The following HSD17B14 variants were observed in gnomAD, a reference collection of about 807,000 sequenced individuals.
HSD17B14 encodes L-fucose dehydrogenase.
In HSD17B14, 32 loss-of-function variants were observed where a neutral mutation model predicts 32.2. The observed-to-expected ratio is 0.99, with a 90% CI of 0.75 to 1.33. HSD17B14 has a LOEUF of 1.33. Among genes scored for constraint, HSD17B14 ranks in the 40% most tolerant of loss-of-function variants. The probability of loss-of-function intolerance (pLI) is 0.00; values close to 1 mark genes in which losing one functional copy is unlikely to be tolerated. For missense variants in HSD17B14, 370 were observed against 366.5 expected (o/e 1.01, Z -0.08); for synonymous variants, 140 against 155.4 (o/e 0.90, Z 0.74).
At chr19:48,829,509 G>A (rs1368586774) in intron 5 of HSD17B14, among the ~76,000 whole-genome samples, 1 of 147,656 alleles carries the variant, frequency 6.8e-6, no homozygotes, top group Non-Finnish European at 1.5e-5. Context: ...CTGCCACCAC[G>A]CACAGCTAAT....
In HSD17B14 at chr19:48,816,826, T is replaced by TCTTTCTTTCTTTCTTTC. The variant is rs1352133457; in HGVS notation, c.370-1686_370-1685insGAAAGAAAGAAAGAAAG. On this transcript the variant is annotated intron_variant, in intron 5 of 8. Transcript: ENST00000263278. ...TTCTTTCTTTCTTTCTTTCTTTCTT[T>TCTTTCTTTCTTTCTTTC]TCTTTCTCTCTCTCTCTCTCTTTCT... Among the ~76,000 whole-genome samples, 1,008 of 148,974 alleles carry TCTTTCTTTCTTTCTTTC rather than the reference T, an allele frequency of 6.8e-3. 24 individuals are homozygous for TCTTTCTTTCTTTCTTTC. Among genetic ancestry groups the TCTTTCTTTCTTTCTTTC allele is most frequent in the African/African-American group, 0.024 (944 of 39,726 alleles).
intron 5 of HSD17B14, among the ~76,000 whole-genome samples, chr19:48,822,112 ATGATGGTGATGCTGATGT>A (rs2035163431): frequency 7.2e-6 from 1 of 138,576 alleles, no homozygotes; most frequent in Admixed American, 7.9e-5. Flanking sequence ...GATGGTGGCA[ATGATGGTGATGCTGATGT>A]TGATGGTGAT....
At chr19:48,821,086 T>C (rs941589075) in intron 5 of HSD17B14, among the ~76,000 whole-genome samples, 2 of 149,798 alleles carry the variant, frequency 1.3e-5, no homozygotes, top group Admixed American at 1.3e-4. Flanking sequence ...GATCTCAGCT[T>C]ACTGCAACCT....
intron 4 of HSD17B14, among the ~76,000 whole-genome samples, chr19:48,832,194 A>G (rs1209522069): frequency 2.0e-5 from 3 of 151,520 alleles, no homozygotes; most frequent in African/African-American, 4.9e-5. Flanking sequence ...AGCCTGGCTA[A>G]CATGATGAAC....
At chr19:48,817,399 G>C (rs8110511) in intron 5 of HSD17B14, among the ~76,000 whole-genome samples, 47,246 of 151,596 alleles carry the variant, frequency 0.31, 7,449 homozygotes, top group East Asian at 0.37. Context: ...GGCTGGTCTT[G>C]AACTCCTGAG....
rs543336702 is a variant in HSD17B14, at chr19:48,828,198, G to A, written c.369+3470C>T. 5.9e-5 allele frequency among the ~76,000 whole-genome samples: 9 copies of A among 152,188 alleles called. No individual in the cohort carries two copies. In the South Asian group the frequency reaches 8.3e-4, roughly 14 times the overall value. On this transcript the variant is annotated intron_variant, in intron 5 of 8. Coordinates refer to ENST00000263278, the MANE Select transcript of HSD17B14 (RefSeq NM_016246.3). ...GAAAAAAGGACGAATCAAGAGAGGCGGTGATTACAAAAGTTGTTCATCAGG... is the reference window on the plus strand; with the variant it reads ...GAAAAAAGGACGAATCAAGAGAGGCAGTGATTACAAAAGTTGTTCATCAGG...
At chr19:48,836,244 C>T in intron 1 of HSD17B14, 80 bp downstream of exon 1, 1 of 1,370,198 alleles carries the variant, frequency 7.3e-7, no homozygotes, top group South Asian at 1.2e-5. Context: ...TACTGGAGTC[C>T]CTATTTTCCG....
intron 5 of HSD17B14, among the ~76,000 whole-genome samples, chr19:48,815,915 G>A (rs960355941): frequency 2.0e-5 from 3 of 151,566 alleles, no homozygotes; most frequent in Non-Finnish European, 2.9e-5. Context: ...CAGCTACTTG[G>A]GAGGCTGAGG....
Position 48,821,644 on chromosome 19 carries a change from G to A in HSD17B14, c.370-6503C>T, listed in dbSNP as rs116963768. On this transcript the variant is annotated intron_variant, in intron 5 of 8. Transcript: ENST00000263278. ...GCTTCTATGGGATTTTGATGGTGAT[G>A]GTGATGATGGTGATGATAGTGATAA... Among the ~76,000 whole-genome samples the A allele has an allele frequency of 2.3e-4, 35 of 151,396 alleles. 2 individuals are homozygous for A. In the East Asian group the frequency reaches 6.2e-3, roughly 27 times the overall value.
chr19:48,834,200 C>T (rs2035404793), intron 3 of HSD17B14, 76 bp downstream of exon 3: 13 of 1,174,062 alleles, frequency 1.1e-5, no homozygotes, highest in Admixed American at 1.8e-5. Context: ...GAGGGAAAGG[C>T]ATATGCAAAT....
At chr19:48,818,312 AAAAAAG>A (rs1438679646) in intron 5 of HSD17B14, among the ~76,000 whole-genome samples, 6 of 88,284 alleles carry the variant, frequency 6.8e-5, no homozygotes, top group African/African-American at 8.8e-5. Flanking sequence ...CTGTCTCAAA[AAAAAAG>A]AAAAAAGAAA....
rs550582834 is a variant in HSD17B14, at chr19:48,821,013, A to ATT, written c.370-5874_370-5873dup. On this transcript the variant is annotated intron_variant, in intron 5 of 8. Transcript: ENST00000263278. ...CACCCCACCCAGCCAGGATGGATAGATTTTTTTTTTTTTTTTTTTGACAGA... is the reference window on the plus strand; with the variant it reads ...CACCCCACCCAGCCAGGATGGATAGATTTTTTTTTTTTTTTTTTTTTGACAGA... Among the ~76,000 whole-genome samples, 118 of 123,824 alleles carry ATT rather than the reference A, an allele frequency of 9.5e-4. 1 individual carries two copies. The highest frequency in any genetic ancestry group is 4.2e-3 in the Middle Eastern group (1 of 240). 81.2% of individuals were successfully genotyped at this position (123,824 alleles called of 152,430 possible).
At chr19:48,832,596 G>T in intron 4 of HSD17B14, 70 bp downstream of exon 4, 1 of 1,357,196 alleles carries the variant, frequency 7.4e-7, no homozygotes, top group Non-Finnish European at 1.0e-6. Context: ...AGGGAGTGGG[G>T]AAACTGACGT....
chr19:48,832,742 AAGGAAATG>A lies in HSD17B14; in HGVS notation c.211-18_211-11del. ...TCTCAGAAACCAGGGTCTGAGGAGA[AAGGAAATG>A]TCCTTTGTTTTTTTTTTTTGGAGAC... is the stretch of plus-strand genomic sequence containing the variant. On this transcript the variant is annotated splice_polypyrimidine_tract_variant and intron_variant, in intron 3 of 8. Coordinates refer to ENST00000263278, the MANE Select transcript of HSD17B14 (RefSeq NM_016246.3). 1 of 1,608,310 alleles carries A rather than the reference AAGGAAATG, an allele frequency of 6.2e-7. No homozygotes were observed. The highest frequency in any genetic ancestry group is 2.2e-5 in the East Asian group (1 of 44,782).
In HSD17B14 at chr19:48,826,771, T is replaced by C. The variant is rs145099334; in HGVS notation, c.369+4897A>G. Among the ~76,000 whole-genome samples the C allele has an allele frequency of 1.3e-3, 194 of 151,594 alleles. 4 individuals carry two copies. The East Asian group carries it at 0.036, about 28-fold the overall frequency. On this transcript the variant is annotated intron_variant, in intron 5 of 8. Coordinates refer to ENST00000263278, the MANE Select transcript of HSD17B14 (RefSeq NM_016246.3). Reference sequence around the variant, plus strand: ...CGACCTCAGAGTCAGCACCTGAAGCTCCCTGGACACTGGGCCCGCCCCCAG... The same window carrying C: ...CGACCTCAGAGTCAGCACCTGAAGCCCCCTGGACACTGGGCCCGCCCCCAG...
intron 2 of HSD17B14, among the ~76,000 whole-genome samples, chr19:48,834,821 GGGGGCCT>G: frequency 2.9e-5 from 2 of 69,748 alleles, no homozygotes; most frequent in African/African-American, 1.4e-4. Flanking sequence ...AGGAGGGGCT[GGGGGCCT>G]GGACTCCTGG....
intron 5 of HSD17B14, among the ~76,000 whole-genome samples, chr19:48,825,106 C>T (rs1328708119): frequency 3.3e-5 from 5 of 151,508 alleles, no homozygotes; most frequent in African/African-American, 7.3e-5. Flanking sequence ...GGTGTGGTGG[C>T]GTGTGCCTGT....
chr19:48,832,102 G>A (rs1029566507), intron 4 of HSD17B14, among the ~76,000 whole-genome samples: 11 of 123,128 alleles, frequency 8.9e-5, no homozygotes, highest in East Asian at 7.4e-4. Context: ...AAAAAAAGCC[G>A]GGTGCAGTGG....
At chr19:48,813,850 T>C (rs1238467938) in intron 6 of HSD17B14, 120 bp from the exon 7 acceptor site, 1 of 1,084,182 alleles carries the variant, frequency 9.2e-7, no homozygotes, top group Non-Finnish European at 1.4e-6. Context: ...CCTTGAAGGC[T>C]GCCTTCAGAG....
Sources: gnomAD v4.1 joint callset for allele counts (sites outside exome capture counted in the v4.1 genomes callset) on GRCh38, gnomAD v4.1.1 for gene constraint, MANE v1.5 for transcripts, NCBI Gene and HGNC (gene_info 2026-07-23, HGNC 2026-07-21) for gene names.